The following SETD2 variants were observed in gnomAD, a reference collection of about 807,000 sequenced individuals.
SETD2 encodes histone-lysine N-methyltransferase SETD2.
Under a neutral mutation model 242.1 loss-of-function variants are expected in SETD2, and 31 were observed. The ratio of observed to expected loss-of-function variants is 0.13; its 90% CI spans 0.10 to 0.17. The LOEUF (loss-of-function observed/expected upper bound fraction) is 0.17, where lower values mean the gene tolerates loss of function less well. Ranked by LOEUF, SETD2 falls within the 10% of genes least tolerant of loss-of-function variation. The probability of loss-of-function intolerance (pLI) is 1.00; values close to 1 mark genes in which losing one functional copy is unlikely to be tolerated. For missense variants in SETD2, 2,481 were observed against 3,046.3 expected (o/e 0.81, Z 4.37); for synonymous variants, 1,006 against 1,066.5 (o/e 0.94, Z 1.11).
chr3:47,094,975 T>C (rs2041950484), intron 9 of SETD2, among the ~76,000 whole-genome samples: 1 of 152,198 alleles, frequency 6.6e-6, no homozygotes, highest in African/African-American at 2.4e-5. Flanking sequence ...GAGTTATCCT[T>C]AAATCTTCTC....
Position 47,088,119 on chromosome 3 carries a change from G to A in SETD2, c.5271C>T (p.Leu1757=), listed in dbSNP as rs144825663. Residue 1757 remains leucine, a synonymous_variant, in exon 10 of 21, where the codon CTC becomes CTT. Coordinates refer to ENST00000409792, the MANE Select transcript of SETD2 (RefSeq NM_014159.7). Reference sequence around the variant, plus strand: ...CAAACATTAAAGTGTTCACCTGTATGAGTTCCAGACAGGTAAGTTTCTGCT... The same window carrying A: ...CAAACATTAAAGTGTTCACCTGTATAAGTTCCAGACAGGTAAGTTTCTGCT... The part of the protein sequence containing the change: ...TLEQKLTCLE[L]IQNTHSQSCL... The A allele has an allele frequency of 5.4e-3, 8,655 of 1,611,750 alleles. 40 individuals are homozygous for A. The highest frequency in any genetic ancestry group is 6.5e-3 in the Non-Finnish European group (7,653 of 1,179,368).
At chr3:47,153,115 T>G (rs2106830352) in intron 1 of SETD2, among the ~76,000 whole-genome samples, 1 of 149,034 alleles carries the variant, frequency 6.7e-6, no homozygotes. Flanking sequence ...AGACCAAGAG[T>G]TCAAGACCAG....
At chr3:47,142,632 G>T (rs749803337) in intron 1 of SETD2, among the ~76,000 whole-genome samples, 41 of 152,032 alleles carry the variant, frequency 2.7e-4, no homozygotes, top group Non-Finnish European at 5.3e-4. Flanking sequence ...CTTCGTGGTG[G>T]GGGGAGGTGG....
chr3:47,131,489 G>A (rs986649076), intron 1 of SETD2, among the ~76,000 whole-genome samples: 2 of 151,668 alleles, frequency 1.3e-5, no homozygotes, highest in African/African-American at 2.4e-5. Context: ...GACTACAGGC[G>A]CCCACCACCA....
chr3:47,120,476 T>G lies in SETD2; in HGVS notation c.4160A>C (p.Lys1387Thr), dbSNP rs746024449. ...IKDTLAVNEK[K>T]DFSKNLEKND... ...TTTTTCTAAGTTTTTTGAAAAATCT[T>G]TCTTTTCATTCACAGCTAAAGTGTC... The change falls in exon 3 of 21, where the codon AAA (lysine) becomes ACA (threonine). Residue 1387 changes from lysine (K) to threonine (T), a missense_variant. This residue lies in a region of SETD2 where 1,300 missense variants were observed against 1,259.2 expected (regional missense o/e 1.03). Transcript: ENST00000409792. 6.2e-7 allele frequency: 1 copy of G among 1,613,662 alleles called. No homozygotes were observed. Among genetic ancestry groups the G allele is most frequent in the South Asian group, 1.1e-5 (1 of 91,008 alleles).
rs756031689 is a variant in SETD2, at chr3:47,083,800, T to G, written c.5980A>C (p.Arg1994=). The change falls in exon 12 of 21, where the codon AGG becomes CGG. Residue 1994 remains arginine, a synonymous_variant. Coordinates refer to ENST00000409792, the MANE Select transcript of SETD2 (RefSeq NM_014159.7). Reference sequence around the variant, plus strand: ...GTTTTATCTGGCTGTTCTTGGCTCCTTTCACTCTCCACATCAGACACACCC... The same window carrying G: ...GTTTTATCTGGCTGTTCTTGGCTCCGTTCACTCTCCACATCAGACACACCC... ...EEGVSDVESE[R]SQEQPDKTVD... The G allele has an allele frequency of 1.9e-6, 3 of 1,614,162 alleles. No homozygotes were observed. Among genetic ancestry groups the G allele is most frequent in the Non-Finnish European group, 2.5e-6 (3 of 1,180,000 alleles).
intron 18 of SETD2, among the ~76,000 whole-genome samples, chr3:47,031,090 G>A (rs977869446): frequency 2.0e-5 from 3 of 152,176 alleles, no homozygotes; most frequent in Non-Finnish European, 1.5e-5. Context: ...TGGGGAAGAG[G>A]GATGAGGAGA....
At chr3:47,150,044 T>TTTTTTTC in intron 1 of SETD2, among the ~76,000 whole-genome samples, 1 of 144,300 alleles carries the variant, frequency 6.9e-6, no homozygotes, top group Admixed American at 7.0e-5. Context: ...TTTTTTTTTT[T>TTTTTTTC]TTTTGAGACA....
intron 8 of SETD2, 116 bp downstream of exon 8, chr3:47,101,342 T>A (rs1040746545): frequency 1.6e-6 from 1 of 619,902 alleles, no homozygotes; most frequent in Non-Finnish European, 2.9e-6. Flanking sequence ...ATCTTATAGA[T>A]AAGAGTTAAG....
chr3:47,121,866 C>A lies in SETD2; in HGVS notation c.2770G>T (p.Ala924Ser), dbSNP rs1468000157. The A allele has an allele frequency of 6.8e-6, 11 of 1,613,928 alleles. No individual in the cohort carries two copies. The South Asian group carries it at 1.1e-4, about 16-fold the overall frequency. The change falls in exon 3 of 21, where the codon GCA becomes TCA. Residue 924 changes from alanine to serine, a missense_variant. This residue lies in a region of SETD2 where 1,300 missense variants were observed against 1,259.2 expected (regional missense o/e 1.03). Transcript: ENST00000409792. ...SKKSSEFLKHAGKETIVEVGS... is the reference protein window; with the variant it reads ...SKKSSEFLKHSGKETIVEVGS... The stretch of plus-strand genomic sequence containing the variant: ...ACTTCTACTATTGTTTCTTTCCCTG[C>A]ATGCTTTAAAAACTCTGAACTTTTT...
At chr3:47,092,559 T>C (rs2041848730) in intron 9 of SETD2, among the ~76,000 whole-genome samples, 2 of 149,574 alleles carry the variant, frequency 1.3e-5, no homozygotes, top group South Asian at 4.2e-4. Context: ...ATAGATAGTA[T>C]ATATTTACTA....
In SETD2 at chr3:47,122,309, T is replaced by C. The variant is rs371122735; in HGVS notation, c.2327A>G (p.Lys776Arg). Residue 776 changes from lysine (K) to arginine (R), a missense_variant, in exon 3 of 21, where the codon AAA (lysine) becomes AGA (arginine). Lys to Arg is a conservative substitution (Grantham distance 26, BLOSUM62 2). Coordinates refer to ENST00000409792, the MANE Select transcript of SETD2 (RefSeq NM_014159.7). ...MTVDYSKTVVKEPVDTRVSCC... is the reference protein window; with the variant it reads ...MTVDYSKTVVREPVDTRVSCC... ...AGAAACCCTCGTATCAACTGGTTCT[T>C]TAACTACTGTTTTGGAATAATCCAC... The C allele has an allele frequency of 1.2e-6, 2 of 1,614,202 alleles. No individual in the cohort carries two copies. The highest frequency in any genetic ancestry group is 1.7e-6 in the Non-Finnish European group (2 of 1,180,020).
chr3:47,044,277 A>G (rs1302929317), intron 16 of SETD2, among the ~76,000 whole-genome samples: 2 of 134,724 alleles, frequency 1.5e-5, no homozygotes, highest in East Asian at 2.5e-4. Flanking sequence ...TGGGAGGCGG[A>G]GGTTGCAGTG....
intron 1 of SETD2, among the ~76,000 whole-genome samples, chr3:47,129,868 G>A (rs1212554111): frequency 6.7e-6 from 1 of 148,728 alleles, no homozygotes; most frequent in Non-Finnish European, 1.5e-5. Flanking sequence ...GACAGAATGA[G>A]ACTCCGCCTC....
At position 47,017,017 on chromosome 3, in the gene SETD2, C is replaced by G. The variant is rs2038010964; in HGVS notation, c.*76G>C. On this transcript the variant is annotated 3_prime_UTR_variant, in exon 21 of 21. Coordinates refer to ENST00000409792, the MANE Select transcript of SETD2 (RefSeq NM_014159.7). This position sits in a 1 kb window ranked among gnomAD's most constrained non-coding sequence, Gnocchi z 4.8. The stretch of plus-strand genomic sequence containing the variant: ...TAGCACAGTGCTGACAGGGGTGGGA[C>G]AGAAAGGCCCACAGGATTTCCTCTC... 3 of 1,431,328 alleles carry G rather than the reference C, an allele frequency of 2.1e-6. No homozygotes were observed. Among genetic ancestry groups the G allele is most frequent in the East Asian group, 2.3e-5 (1 of 43,852 alleles). 88.7% of individuals were successfully genotyped at this position (1,431,328 alleles called of 1,614,324 possible).
chr3:47,030,923 A>T (rs982394070), intron 18 of SETD2, among the ~76,000 whole-genome samples: 3 of 152,214 alleles, frequency 2.0e-5, no homozygotes, highest in Non-Finnish European at 2.9e-5. Context: ...AAACGAAATG[A>T]GCTATCAGGC....
At chr3:47,104,187 A>G (rs2042320551) in intron 6 of SETD2, among the ~76,000 whole-genome samples, 1 of 152,010 alleles carries the variant, frequency 6.6e-6, no homozygotes, top group South Asian at 2.1e-4. Flanking sequence ...CATTAAAGAG[A>G]TTTATAAAAA....
intron 18 of SETD2, among the ~76,000 whole-genome samples, chr3:47,026,944 TTAAAG>T (rs749517795): frequency 3.2e-4 from 48 of 151,818 alleles, no homozygotes; most frequent in Non-Finnish European, 6.2e-4. Flanking sequence ...ACCCCAGAAC[TTAAAG>T]TATATATATA....
chr3:47,138,231 C>G (rs1200528515), intron 1 of SETD2: 1 of 199,666 alleles, frequency 5.0e-6, no homozygotes, highest in Non-Finnish European at 1.1e-5. Context: ...CTCAGCCTCC[C>G]AAAGTGCTGG....
Sources: allele counts gnomAD v4.1 joint callset (sites outside exome capture counted in the v4.1 genomes callset), GRCh38; gene constraint gnomAD v4.1.1; regional missense constraint gnomAD v4.1.1; non-coding constraint Gnocchi (gnomAD v3.1); transcripts MANE v1.5; gene names NCBI Gene and HGNC (gene_info 2026-07-23, HGNC 2026-07-21).